Variants in FAM13B observed in about 807,000 individuals in gnomAD.
FAM13B encodes the protein protein FAM13B.
FAM13B carries 60 observed loss-of-function variants against 117.3 expected under a neutral mutation model. The observed-to-expected ratio is 0.51, with a 90% CI of 0.42 to 0.63. The LOEUF is 0.63. FAM13B is among the 30% of genes least tolerant of loss of function. The probability of loss-of-function intolerance (pLI) is 0.00; values close to 1 mark genes in which losing one functional copy is unlikely to be tolerated. For missense variants in FAM13B, 972 were observed against 1,091.9 expected (o/e 0.89, Z 1.55); for synonymous variants, 332 against 356.1 (o/e 0.93, Z 0.76).
At chr5:138,030,718 C>T (rs566778691) in intron 1 of FAM13B, among the ~76,000 whole-genome samples, 2 of 143,796 alleles carry the variant, frequency 1.4e-5, no homozygotes, top group African/African-American at 5.1e-5. Flanking sequence ...CCGTCCCCCC[C>T]CCCCAAAAAA....
chr5:138,000,939 A>C (rs1274935449), intron 7 of FAM13B, among the ~76,000 whole-genome samples: 4 of 84,726 alleles, frequency 4.7e-5, no homozygotes, highest in African/African-American at 1.5e-4. Flanking sequence ...CAAAAAACAA[A>C]AAACAAAAAA....
At chr5:137,959,264 G>A (rs944715053) in intron 13 of FAM13B, among the ~76,000 whole-genome samples, 2 of 152,154 alleles carry the variant, frequency 1.3e-5, no homozygotes, top group African/African-American at 4.8e-5. Context: ...TGCTTAAACT[G>A]GTGAGATCCC....
intron 3 of FAM13B, among the ~76,000 whole-genome samples, 193 bp from the exon 4 acceptor site, chr5:138,018,707 C>T (rs1785852476): frequency 6.6e-6 from 1 of 152,030 alleles, no homozygotes; most frequent in Non-Finnish European, 1.5e-5. Flanking sequence ...TCTATTTTAT[C>T]CCACCCCTTA....
At chr5:138,023,584 T>C (rs1454669128) in intron 1 of FAM13B, among the ~76,000 whole-genome samples, 1 of 152,144 alleles carries the variant, frequency 6.6e-6, no homozygotes, top group African/African-American at 2.4e-5. Context: ...AAACTGGCCA[T>C]AGTCTTTTTC....
chr5:138,021,242 G>T (rs1378287507), intron 1 of FAM13B, 45 bp from the exon 2 acceptor site: 8 of 1,202,618 alleles, frequency 6.7e-6, no homozygotes, highest in Non-Finnish European at 8.3e-6. Context: ...ATCTTTAACT[G>T]TCAGAAGAGA....
rs1377761801 is a variant in FAM13B at position 137,970,906 on chromosome 5, G to A, written c.1180-8437C>T. 2.6e-5 allele frequency among the ~76,000 whole-genome samples: 4 copies of A among 151,944 alleles called. No homozygotes were observed. The South Asian group carries it at 6.2e-4, about 24-fold the overall frequency. On this transcript the variant is annotated intron_variant, in intron 10 of 23. Coordinates refer to ENST00000689681, the MANE Select transcript of FAM13B (RefSeq NM_001385994.1). ...TAAAGGGATCAATTCAACAAGAAGA[G>A]CTAACTATCCTAAATATATATGCAC...
intron 6 of FAM13B, among the ~76,000 whole-genome samples, chr5:138,009,556 G>A (rs1437792550): frequency 6.6e-6 from 1 of 152,078 alleles, no homozygotes; most frequent in Non-Finnish European, 1.5e-5. Context: ...TGTAACCCCA[G>A]CACTTTGGGA....
intron 10 of FAM13B, among the ~76,000 whole-genome samples, chr5:137,975,414 C>T (rs184180659): frequency 6.6e-6 from 1 of 152,294 alleles, no homozygotes; most frequent in Admixed American, 6.5e-5. Flanking sequence ...ACAGATGCTA[C>T]AATAAAATGT....
intron 10 of FAM13B, among the ~76,000 whole-genome samples, chr5:137,977,241 TG>T (rs1402867852): frequency 4.6e-5 from 7 of 152,200 alleles, no homozygotes; most frequent in African/African-American, 1.7e-4. Flanking sequence ...TCTCAAACCC[TG>T]TCTCCTGATA....
At chr5:137,944,833 C>A (rs1200614329) in intron 20 of FAM13B, among the ~76,000 whole-genome samples, 1 of 150,070 alleles carries the variant, frequency 6.7e-6, no homozygotes, top group Non-Finnish European at 1.5e-5. Context: ...TTATCCTAAA[C>A]AAATTAATAA....
At chr5:137,967,760 G>A (rs190693861) in intron 10 of FAM13B, among the ~76,000 whole-genome samples, 2 of 152,134 alleles carry the variant, frequency 1.3e-5, no homozygotes, top group Non-Finnish European at 2.9e-5. Flanking sequence ...AGGTGTGATG[G>A]CATGCCCCTG....
intron 1 of FAM13B, among the ~76,000 whole-genome samples, chr5:138,029,145 T>G (rs1257257811): frequency 6.6e-6 from 1 of 152,218 alleles, no homozygotes; most frequent in Non-Finnish European, 1.5e-5. Context: ...TCCAACTGAA[T>G]CCTCCAACCA....
intron 10 of FAM13B, among the ~76,000 whole-genome samples, chr5:137,978,045 T>C (rs1410923265): frequency 6.6e-6 from 1 of 152,172 alleles, no homozygotes; most frequent in East Asian, 1.9e-4. Flanking sequence ...TAATCTACAC[T>C]TGGTTTTGTA....
intron 1 of FAM13B, among the ~76,000 whole-genome samples, chr5:138,026,070 G>C (rs1027390067): frequency 6.6e-6 from 1 of 152,152 alleles, no homozygotes; most frequent in Non-Finnish European, 1.5e-5. Flanking sequence ...CATTTGCTGA[G>C]CTCTTACAAT....
chr5:138,008,764 C>T (rs1421162809), intron 6 of FAM13B, among the ~76,000 whole-genome samples: 1 of 152,084 alleles, frequency 6.6e-6, no homozygotes, highest in Non-Finnish European at 1.5e-5. Context: ...AGAGAGTATC[C>T]ACCATCCAAA....
At chr5:138,028,692 G>A (rs1164893594) in intron 1 of FAM13B, among the ~76,000 whole-genome samples, 1 of 152,118 alleles carries the variant, frequency 6.6e-6, no homozygotes, top group Non-Finnish European at 1.5e-5. Flanking sequence ...AGACCAGCCT[G>A]GCCAACATGA....
At chr5:138,033,120 G>C (rs1790638441), upstream of FAM13B, 2 of 889,548 alleles carry the variant, frequency 2.2e-6, no homozygotes, top group Middle Eastern at 5.7e-4. Flanking sequence ...GCGTGGGAGG[G>C]GGCGGGGCAG....
chr5:138,032,502 G>A (rs1297923811), intron 1 of FAM13B, among the ~76,000 whole-genome samples: 2 of 152,226 alleles, frequency 1.3e-5, no homozygotes, highest in Non-Finnish European at 2.9e-5. Context: ...GGGGCTGGAG[G>A]TGAGGGGCAC....
chr5:137,985,958 C>G (rs1159524845), intron 9 of FAM13B, among the ~76,000 whole-genome samples: 1 of 152,218 alleles, frequency 6.6e-6, no homozygotes, highest in African/African-American at 2.4e-5. Context: ...TAAGGACAAA[C>G]TCCAAGAAAT....
Sources: gnomAD v4.1 joint callset for allele counts (sites outside exome capture counted in the v4.1 genomes callset) on GRCh38, gnomAD v4.1.1 for gene constraint, MANE v1.5 for transcripts, NCBI Gene and HGNC (gene_info 2026-07-23, HGNC 2026-07-21) for gene names.